Variants in MYO1B observed in about 807,000 individuals in gnomAD.
MYO1B encodes myosin IB.
A neutral mutation model predicts 159.7 loss-of-function variants in MYO1B; 72 were observed. The ratio of observed to expected loss-of-function variants is 0.45; its 90% CI spans 0.37 to 0.55. The LOEUF is 0.55. Ranked by LOEUF, MYO1B falls within the 20% of genes least tolerant of loss-of-function variation. MYO1B has a pLI of 0.00. For synonymous variants in MYO1B, 468 were observed against 473.8 expected, an observed-to-expected ratio of 0.99 and a Z score of 0.16; for missense variants, 1,062 against 1,364.8, an observed-to-expected ratio of 0.78 and a Z score of 3.50.
chr2:191,259,151 T>A (rs1473902000), intron 1 of MYO1B, among the ~76,000 whole-genome samples: 1 of 152,246 alleles, frequency 6.6e-6, no homozygotes, highest in African/African-American at 2.4e-5. Flanking sequence ...CCCACAGATG[T>A]TGGGAGCCCA....
chr2:191,351,308 G>A (rs556169454), intron 7 of MYO1B, among the ~76,000 whole-genome samples: 15 of 152,190 alleles, frequency 9.9e-5, no homozygotes, highest in African/African-American at 3.6e-4. Context: ...AAGGTACCGG[G>A]GTAAAATGAG....
At chr2:191,292,898 T>A (rs569806051) in intron 2 of MYO1B, among the ~76,000 whole-genome samples, 1 of 152,364 alleles carries the variant, frequency 6.6e-6, no homozygotes, top group African/African-American at 2.4e-5. Context: ...TTTAGCATTG[T>A]ATATTTTCTG....
Position 191,296,215 on chromosome 2 carries a change from G to C in MYO1B, c.240G>C (p.Leu80=). The C allele has an allele frequency of 1.9e-6, 3 of 1,602,736 alleles. No individual in the cohort carries two copies. The highest frequency in any genetic ancestry group is 2.6e-6 in the Non-Finnish European group (3 of 1,171,264). ...ACAGGAACAGAAATTTTTATGAACT[G>C]AGCCCTCACATGTAAGTACTGTACT... The part of the protein sequence containing the change: ...EEYRNRNFYE[L]SPHIFALSDE... Residue 80 remains leucine (L), a synonymous_variant, in exon 3 of 31, where the codon CTG becomes CTC. Transcript: ENST00000392318.
chr2:191,286,230 A>G (rs1688359338), intron 2 of MYO1B, among the ~76,000 whole-genome samples: 1 of 152,182 alleles, frequency 6.6e-6, no homozygotes, highest in Non-Finnish European at 1.5e-5. Context: ...CCAGATAGAC[A>G]CCTAAGTCTG....
At chr2:191,263,894 A>C (rs1343539965) in intron 1 of MYO1B, among the ~76,000 whole-genome samples, 4 of 152,200 alleles carry the variant, frequency 2.6e-5, no homozygotes, top group African/African-American at 7.2e-5. Context: ...TTTTATAAAC[A>C]AAAATTTCAG....
chr2:191,394,970 T>TA (rs1036441853), intron 20 of MYO1B, among the ~76,000 whole-genome samples: 1 of 152,182 alleles, frequency 6.6e-6, no homozygotes, highest in African/African-American at 2.4e-5. Context: ...CACTACATGT[T>TA]ACTCAAGCCA....
intron 6 of MYO1B, among the ~76,000 whole-genome samples, chr2:191,346,749 G>C (rs143179141): frequency 6.6e-6 from 1 of 152,284 alleles, no homozygotes; most frequent in South Asian, 2.1e-4. Flanking sequence ...AAGCATGTGG[G>C]GTGAGCGTGG....
chr2:191,365,835 C>T lies in MYO1B; in HGVS notation c.1032+1559C>T, dbSNP rs190083041. ...TAGCTGTAGATATGTAAAGAGGATT[C>T]AGAGCAATATGGCTGGAAAGGTGAA... On this transcript the variant is annotated intron_variant, in intron 11 of 30. Transcript: ENST00000392318. Among the ~76,000 whole-genome samples, 180 of 152,282 alleles carry T rather than the reference C, an allele frequency of 1.2e-3. 2 individuals are homozygous for T. In the East Asian group the frequency reaches 0.027, roughly 23 times the overall value.
chr2:191,398,550 A>C (rs1301202289), intron 21 of MYO1B, among the ~76,000 whole-genome samples: 5 of 145,812 alleles, frequency 3.4e-5, no homozygotes, highest in African/African-American at 1.3e-4. Context: ...CACTTCTCAG[A>C]CGGGGCGGCC....
intron 2 of MYO1B, among the ~76,000 whole-genome samples, chr2:191,280,780 G>C (rs1688013375): frequency 6.6e-6 from 1 of 152,200 alleles, no homozygotes; most frequent in Non-Finnish European, 1.5e-5. Flanking sequence ...ATGCCGAGGA[G>C]CCCACTCACT....
intron 3 of MYO1B, among the ~76,000 whole-genome samples, chr2:191,308,349 A>T (rs1195616216): frequency 1.3e-5 from 2 of 152,186 alleles, no homozygotes; most frequent in African/African-American, 2.4e-5. Flanking sequence ...CTTGTCCTGA[A>T]ATACTCGAAT....
intron 2 of MYO1B, among the ~76,000 whole-genome samples, chr2:191,281,002 G>A (rs907451413): frequency 6.6e-6 from 1 of 152,206 alleles, no homozygotes; most frequent in Admixed American, 6.5e-5. Context: ...CTGGAGCATG[G>A]TCGAAGTCCT....
chr2:191,414,057 A>T lies in MYO1B; in HGVS notation c.2883A>T (p.Gln961His). Residue 961 changes from glutamine to histidine, a missense_variant, in exon 28 of 31, where the codon CAA becomes CAT. Gln to His is a conservative substitution (Grantham distance 24). This residue lies in a region of MYO1B where 609 missense variants were observed against 744.4 expected (regional missense o/e 0.82). Transcript: ENST00000392318. Reference sequence around the variant, plus strand: ...AATTTTTTTCCTTTAGTGTTGGGCAACCATTCCAAGGGGCTTACCTGGAAA... The same window carrying T: ...AATTTTTTTCCTTTAGTGTTGGGCATCCATTCCAAGGGGCTTACCTGGAAA... ...KKALYPSSVG[Q>H]PFQGAYLEIN... 6.2e-7 allele frequency: 1 copy of T among 1,603,870 alleles called. No individual in the cohort carries two copies. The highest frequency in any genetic ancestry group is 8.5e-7 in the Non-Finnish European group (1 of 1,176,572).
chr2:191,319,861 G>T (rs747802825), intron 3 of MYO1B, among the ~76,000 whole-genome samples: 3 of 152,090 alleles, frequency 2.0e-5, no homozygotes, highest in Non-Finnish European at 4.4e-5. Flanking sequence ...TGGCTACAAG[G>T]GGGACAAGAT....
chr2:191,383,086 G>T (rs539552672), intron 14 of MYO1B, among the ~76,000 whole-genome samples, 194 bp from the exon 15 acceptor site: 6 of 152,146 alleles, frequency 3.9e-5, no homozygotes, highest in African/African-American at 1.4e-4. Flanking sequence ...GCTTCAATCA[G>T]ATTATGTCAG....
At position 191,416,190 on chromosome 2, in the gene MYO1B, C is replaced by T. The variant is rs753242626; in HGVS notation, c.3235C>T (p.Arg1079Cys). 15 of 1,614,094 alleles carry T rather than the reference C, an allele frequency of 9.3e-6. No homozygotes were observed. The highest frequency in any genetic ancestry group is 2.2e-5 in the East Asian group (1 of 44,862). The change falls in exon 30 of 31, where the codon CGC (arginine) becomes TGC (cysteine). Residue 1079 changes from arginine to cysteine, a missense_variant. Transcript: ENST00000392318. ...HLIEMATKLY[R>C]TTLSQTKQKL... ...GATTGAAATGGCCACCAAGCTCTATCGCACAACTCTCAGCCAAACCAAACA... is the reference window on the plus strand; with the variant it reads ...GATTGAAATGGCCACCAAGCTCTATTGCACAACTCTCAGCCAAACCAAACA...
chr2:191,255,638 T>A (rs914406516), intron 1 of MYO1B, among the ~76,000 whole-genome samples: 2 of 152,242 alleles, frequency 1.3e-5, no homozygotes, highest in South Asian at 4.1e-4. Flanking sequence ...ATAGTGGTAT[T>A]TAACAGTGTT....
rs1693824990 is a variant in MYO1B at position 191,363,736 on chromosome 2, G to A, written c.774G>A (p.Met258Ile). 1 of 1,606,018 alleles carries A rather than the reference G, an allele frequency of 6.2e-7. No individual in the cohort carries two copies. The highest frequency in any genetic ancestry group is 1.3e-5 in the African/African-American group (1 of 74,384). ...TTTTTTTCTCTCCCCAGAATGCCAT[G>A]CAGATTGTGGGCTTTATGGATCATG... ...AANFRTVRNA[M>I]QIVGFMDHEA... Residue 258 changes from methionine to isoleucine, a missense_variant, in exon 10 of 31, where the codon ATG becomes ATA. Met to Ile is a conservative substitution (Grantham distance 10, BLOSUM62 1). Coordinates refer to ENST00000392318, the MANE Select transcript of MYO1B (RefSeq NM_001130158.3).
intron 1 of MYO1B, among the ~76,000 whole-genome samples, chr2:191,266,080 G>C (rs1175274712): frequency 6.6e-6 from 1 of 152,182 alleles, no homozygotes. Flanking sequence ...ACTCTGTAGA[G>C]CTTCCTCCGG....
Sources: gnomAD v4.1 joint callset for allele counts (sites outside exome capture counted in the v4.1 genomes callset) on GRCh38, gnomAD v4.1.1 for gene constraint, gnomAD v4.1.1 regional missense constraint, MANE v1.5 for transcripts, NCBI Gene and HGNC (gene_info 2026-07-23, HGNC 2026-07-21) for gene names.